BRINP1: variants seen among roughly 807,000 people sequenced by gnomAD.
BRINP1 encodes BMP/retinoic acid-inducible neural-specific protein 1.
In BRINP1, 17 loss-of-function variants were observed where a neutral mutation model predicts 72.9. That is an observed-to-expected ratio of 0.23 (90% CI 0.16 to 0.35). The LOEUF (loss-of-function observed/expected upper bound fraction) is 0.35. BRINP1 is among the 10% of genes least tolerant of loss of function. The pLI, the probability that BRINP1 is intolerant of heterozygous loss-of-function variation, is 1.00. For synonymous variants in BRINP1, 418 were observed against 378.5 expected (o/e 1.10, Z -1.21); for missense variants, 850 against 1,001.6 (o/e 0.85, Z 2.04).
At chr9:119,240,159 C>T (rs1830233149) in intron 4 of BRINP1, among the ~76,000 whole-genome samples, 1 of 152,092 alleles carries the variant, frequency 6.6e-6, no homozygotes, top group Non-Finnish European at 1.5e-5. Context: ...GTCCCAGCTA[C>T]TTGGGAGGCT....
intron 7 of BRINP1, among the ~76,000 whole-genome samples, chr9:119,196,671 C>G (rs1652568785): frequency 6.6e-6 from 1 of 152,168 alleles, no homozygotes; most frequent in Admixed American, 6.5e-5. Flanking sequence ...TTGGGTGATC[C>G]TCTCAATAAA....
intron 7 of BRINP1, among the ~76,000 whole-genome samples, chr9:119,197,111 T>C (rs899975294): frequency 3.3e-5 from 5 of 152,196 alleles, no homozygotes; most frequent in Admixed American, 3.3e-4. Context: ...AAACGCAGCA[T>C]TGCAAATATG....
chr9:119,229,070 C>T (rs1830122642), intron 5 of BRINP1, among the ~76,000 whole-genome samples: 1 of 152,044 alleles, frequency 6.6e-6, no homozygotes, highest in South Asian at 2.1e-4. Context: ...GACTGTGATC[C>T]TCCACTTTGA....
intron 2 of BRINP1, among the ~76,000 whole-genome samples, chr9:119,249,823 G>GAAGGAAGGAAGA (rs1830359533): frequency 2.2e-5 from 1 of 45,370 alleles, no homozygotes; most frequent in Non-Finnish European, 4.6e-5. Context: ...AGGAAGGAAG[G>GAAGGAAGGAAGA]AAGGAAGGAA....
In BRINP1 at chr9:119,214,010, G is replaced by A. The variant is rs771403127; in HGVS notation, c.831C>T (p.Asn277=). The part of the protein sequence containing the change: ...CQCAEEFPQC[N]CPITDIQIME... Reference sequence around the variant, plus strand: ...TGATCTGGATGTCCGTGATGGGGCAGTTGCACTGCGGAAACTCCTCGGCAC... The same window carrying A: ...TGATCTGGATGTCCGTGATGGGGCAATTGCACTGCGGAAACTCCTCGGCAC... The change falls in exon 6 of 8, where the codon AAC becomes AAT. Residue 277 remains asparagine (N), a synonymous_variant. Transcript: ENST00000265922. 3.7e-6 allele frequency: 6 copies of A among 1,614,168 alleles called. No homozygotes were observed. The Admixed American group carries it at 1.0e-4, about 27-fold the overall frequency.
intron 7 of BRINP1, among the ~76,000 whole-genome samples, chr9:119,181,324 G>A (rs1448714895): frequency 1.3e-5 from 2 of 152,186 alleles, no homozygotes; most frequent in Non-Finnish European, 2.9e-5. Context: ...CTAGATCTAT[G>A]ATCTTGGCAG....
chr9:119,226,839 A>C (rs190058865), intron 5 of BRINP1, among the ~76,000 whole-genome samples: 1 of 152,170 alleles, frequency 6.6e-6, no homozygotes, highest in Admixed American at 6.5e-5. Context: ...AGGGCTATAT[A>C]AATTCCTGAT....
chr9:119,241,922 G>A (rs543932940), intron 4 of BRINP1, 125 bp downstream of exon 4: 2 of 974,006 alleles, frequency 2.1e-6, no homozygotes, highest in Non-Finnish European at 3.1e-6. Context: ...GCAGCTGGCA[G>A]AGGGCATCAC....
At chr9:119,332,668 T>G (rs908190319) in intron 1 of BRINP1, among the ~76,000 whole-genome samples, 3 of 152,142 alleles carry the variant, frequency 2.0e-5, no homozygotes, top group Non-Finnish European at 4.4e-5. Context: ...ATGAAAGACA[T>G]GCAGAGCAGG....
chr9:119,188,938 T>A (rs552705959), intron 7 of BRINP1, among the ~76,000 whole-genome samples: 1 of 152,204 alleles, frequency 6.6e-6, no homozygotes, highest in East Asian at 1.9e-4. Context: ...CTATCAAATC[T>A]CTAGTATGAA....
At position 119,290,120 on chromosome 9, in the gene BRINP1, A is replaced by C. The variant is rs1171316200; in HGVS notation, c.218+23018T>G. ...GAACAACAACAATAATTTAAAGACC[A>C]TGGAAAGAACCTAAAGCAGACAGAA... On this transcript the variant is annotated intron_variant, in intron 2 of 7. Transcript: ENST00000265922. Among the ~76,000 whole-genome samples, 4 of 152,234 alleles carry C rather than the reference A, an allele frequency of 2.6e-5. No individual in the cohort carries two copies. The East Asian group carries it at 7.7e-4, about 29-fold the overall frequency.
intron 2 of BRINP1, among the ~76,000 whole-genome samples, chr9:119,281,475 T>A (rs1456790077): frequency 6.6e-6 from 1 of 151,866 alleles, no homozygotes; most frequent in South Asian, 2.1e-4. Context: ...AAAGAAGGGA[T>A]CAGGGAGAAG....
At chr9:119,316,883 G>A (rs1242258976) in intron 1 of BRINP1, among the ~76,000 whole-genome samples, 1 of 151,844 alleles carries the variant, frequency 6.6e-6, no homozygotes, top group Non-Finnish European at 1.5e-5. Flanking sequence ...ATGAGGTCAA[G>A]AGATCGAGAC....
chr9:119,167,031 G>T lies in BRINP1; in HGVS notation c.*53C>A. 4.1e-6 allele frequency: 6 copies of T among 1,477,224 alleles called. No homozygotes were observed. The highest frequency in any genetic ancestry group is 2.3e-5 in the Admixed American group (1 of 43,376). 91.5% of individuals were successfully genotyped at this position (1,477,224 alleles called of 1,614,324 possible). A position where few individuals can be genotyped will look rare whatever the true frequency, so the allele number is the denominator to read the frequency against. On this transcript the variant is annotated 3_prime_UTR_variant, in exon 8 of 8. Transcript: ENST00000265922. The surrounding 1 kb of genome is among the most constrained non-coding windows in gnomAD (Gnocchi z 4.3). The stretch of plus-strand genomic sequence containing the variant: ...TTTTTGTTTTGTTTTGCTTCATTTT[G>T]TTCTGTTGTGTGTGTACAACAACAG...
intron 2 of BRINP1, among the ~76,000 whole-genome samples, chr9:119,275,135 T>C (rs1337563675): frequency 6.6e-6 from 1 of 152,188 alleles, no homozygotes; most frequent in African/African-American, 2.4e-5. Context: ...TTGAGTTACT[T>C]GATTCCCAGT....
intron 1 of BRINP1, among the ~76,000 whole-genome samples, chr9:119,356,467 G>C (rs1358584752): frequency 6.6e-6 from 1 of 152,134 alleles, no homozygotes; most frequent in Non-Finnish European, 1.5e-5. Context: ...TGTATTCATA[G>C]CTCATAAAAA....
Position 119,228,924 on chromosome 9 carries a change from G to A in BRINP1, c.685+9731C>T, listed in dbSNP as rs529544721. 4.6e-5 allele frequency among the ~76,000 whole-genome samples: 7 copies of A among 152,234 alleles called. No individual in the cohort carries two copies. The East Asian group carries it at 1.2e-3, about 25-fold the overall frequency. ...GAAGATTAATACAAAGGGGTGAACT[G>A]ATGTATATTGAATAAAGATCCATTG... On this transcript the variant is annotated intron_variant, in intron 5 of 7. Coordinates refer to ENST00000265922, the MANE Select transcript of BRINP1 (RefSeq NM_014618.3).
At chr9:119,352,795 A>G (rs2119034152) in intron 1 of BRINP1, among the ~76,000 whole-genome samples, 1 of 152,360 alleles carries the variant, frequency 6.6e-6, no homozygotes, top group Admixed American at 6.5e-5. Flanking sequence ...TGATTCCAAC[A>G]TTTGATAAAT....
chr9:119,282,764 A>C (rs184821918), intron 2 of BRINP1: 2 of 980,708 alleles, frequency 2.0e-6, no homozygotes, highest in African/African-American at 1.8e-5. Flanking sequence ...CAAAAACCCC[A>C]AATTTAATTT....
Sources: allele counts gnomAD v4.1 joint callset (sites outside exome capture counted in the v4.1 genomes callset), GRCh38; gene constraint gnomAD v4.1.1; non-coding constraint Gnocchi (gnomAD v3.1); transcripts MANE v1.5; gene names NCBI Gene and HGNC (gene_info 2026-07-23, HGNC 2026-07-21).